USF3: variants seen among roughly 807,000 people sequenced by gnomAD.
USF3 encodes the protein basic helix-loop-helix domain-containing protein USF3.
USF3 carries 29 observed loss-of-function variants against 157.5 expected under a neutral mutation model. The ratio of observed to expected loss-of-function variants is 0.18; its 90% CI spans 0.14 to 0.25. The LOEUF (loss-of-function observed/expected upper bound fraction) is 0.25, where lower values mean the gene tolerates loss of function less well. USF3 is among the 10% of genes least tolerant of loss of function. The pLI is 1.00. For synonymous variants in USF3, 893 were observed against 941.4 expected (o/e 0.95, Z 0.94); for missense variants, 2,381 against 2,667.6 (o/e 0.89, Z 2.37).
intron 1 of USF3, among the ~76,000 whole-genome samples, chr3:113,695,189 T>A (rs1300730743): frequency 1.3e-5 from 2 of 152,250 alleles, no homozygotes; most frequent in African/African-American, 4.8e-5. Context: ...ATGGATACAT[T>A]ACACTACTTC....
At position 113,656,071 on chromosome 3, in the gene USF3, T is replaced by A; in HGVS notation, c.5611A>T (p.Ser1871Cys). The change falls in exon 7 of 7, where the codon AGT (serine) becomes TGT (cysteine). Residue 1871 changes from serine (S) to cysteine (C), a missense_variant. By Grantham distance (112) the Ser-to-Cys change is moderately radical. Coordinates refer to ENST00000316407, the MANE Select transcript of USF3 (RefSeq NM_001009899.4). ...THENVHIRRE[S>C]ESQNRESCDM... is the part of the protein sequence containing the mutation. ...CAACTTTCCCTATTCTGACTCTCAC[T>A]CTCTCTTCTAATATGGACATTTTCA... 1.9e-6 allele frequency: 3 copies of A among 1,614,212 alleles called. No individual in the cohort carries two copies. The highest frequency in any genetic ancestry group is 2.7e-5 in the African/African-American group (2 of 75,056).
intron 1 of USF3, among the ~76,000 whole-genome samples, chr3:113,684,177 A>ACT (rs1707497710): frequency 6.6e-6 from 1 of 151,774 alleles, no homozygotes; most frequent in Non-Finnish European, 1.5e-5. Flanking sequence ...ATGTCATCTG[A>ACT]CTCTCTCCTG....
chr3:113,661,857 A>AT (rs1383481692), intron 6 of USF3, among the ~76,000 whole-genome samples: 1 of 152,028 alleles, frequency 6.6e-6, no homozygotes, highest in Non-Finnish European at 1.5e-5. Context: ...TTTTTATTTT[A>AT]TTCTTTTGAG....
Position 113,652,108 on chromosome 3 carries a change from A to AGAGAGAGAGAGAGTGT in USF3, c.*2835_*2836insACACTCTCTCTCTCTC, listed in dbSNP as rs1266464109. The stretch of plus-strand genomic sequence containing the variant: ...TGGAGAGAGAGAGAGAGAGAGAGAG[A>AGAGAGAGAGAGAGTGT]GTGTGTGTGTGTGTGTGTGTGTGTG... On this transcript the variant is annotated 3_prime_UTR_variant, in exon 7 of 7. Transcript: ENST00000316407. 7.0e-6 allele frequency: 1 copy of AGAGAGAGAGAGAGTGT among 141,978 alleles called. No homozygotes were observed. Among genetic ancestry groups the AGAGAGAGAGAGAGTGT allele is most frequent in the African/African-American group, 2.6e-5 (1 of 38,276 alleles). The allele number at this position is 141,978 out of a possible 1,614,324, so 8.8% of individuals were successfully genotyped here.
rs1363086166 is a variant in USF3 at position 113,657,470 on chromosome 3, A to G, written c.4212T>C (p.Pro1404=). 1 of 1,614,202 alleles carries G rather than the reference A, an allele frequency of 6.2e-7. No individual in the cohort carries two copies. The highest frequency in any genetic ancestry group is 8.5e-7 in the Non-Finnish European group (1 of 1,180,032). ...HGDGLTRLFP[P]SNNFVTPALR... ...ATGCAGGAGTCACAAAGTTGTTACT[A>G]GGTGGAAATAATCGTGTAAGGCCAT... Residue 1404 remains proline (P), a synonymous_variant, in exon 7 of 7, where the codon CCT becomes CCC. Transcript: ENST00000316407.
At chr3:113,684,130 T>A (rs1336321034) in intron 1 of USF3, among the ~76,000 whole-genome samples, 4 of 152,228 alleles carry the variant, frequency 2.6e-5, no homozygotes, top group Non-Finnish European at 5.9e-5. Context: ...GATATAATAT[T>A]CTAGGATAAA....
In USF3 at chr3:113,670,215, A is replaced by G. The variant is rs1173031266; in HGVS notation, c.77-12T>C. 1 of 1,554,410 alleles carries G rather than the reference A, an allele frequency of 6.4e-7. No homozygotes were observed. The highest frequency in any genetic ancestry group is 1.4e-5 in the African/African-American group (1 of 73,960). ...TCTATGCCTCTCCACTAGATGGGAGAAAATTCGTTTATCAAACCTTACACT... is the reference window on the plus strand; with the variant it reads ...TCTATGCCTCTCCACTAGATGGGAGGAAATTCGTTTATCAAACCTTACACT... On this transcript the variant is annotated splice_polypyrimidine_tract_variant and intron_variant, in intron 4 of 6. Transcript: ENST00000316407.
At chr3:113,665,476 T>C (rs183350686) in intron 5 of USF3, among the ~76,000 whole-genome samples, 105 of 152,378 alleles carry the variant, frequency 6.9e-4, no homozygotes, top group African/African-American at 2.3e-3. Flanking sequence ...TTGTACGTTA[T>C]GTTAAAGTAT....
intron 5 of USF3, among the ~76,000 whole-genome samples, chr3:113,667,845 C>T (rs1947593493): frequency 6.6e-6 from 1 of 151,504 alleles, no homozygotes; most frequent in South Asian, 2.1e-4. Flanking sequence ...CCAGCCTAGG[C>T]AACAGAGTGA....
At chr3:113,691,338 CT>C (rs1207752392) in intron 1 of USF3, among the ~76,000 whole-genome samples, 1 of 152,166 alleles carries the variant, frequency 6.6e-6, no homozygotes, top group African/African-American at 2.4e-5. Context: ...TTACTACCCC[CT>C]CTTCCTCACT....
At chr3:113,661,908 G>A (rs184838224) in intron 6 of USF3, among the ~76,000 whole-genome samples, 1 of 152,146 alleles carries the variant, frequency 6.6e-6, no homozygotes, top group Non-Finnish European at 1.5e-5. Context: ...GTGCAGTGGT[G>A]CAATCTCGGC....
intron 5 of USF3, among the ~76,000 whole-genome samples, chr3:113,665,299 G>A (rs1947546438): frequency 1.3e-5 from 2 of 152,292 alleles, no homozygotes; most frequent in East Asian, 3.9e-4. Context: ...GAAGGCCAGA[G>A]AAGGCCTTCA....
chr3:113,651,857 T>C lies in USF3; in HGVS notation c.*3087A>G, dbSNP rs1947266138. 1 of 152,146 alleles carries C rather than the reference T, an allele frequency of 6.6e-6. No individual in the cohort carries two copies. Among genetic ancestry groups the C allele is most frequent in the Admixed American group, 6.5e-5 (1 of 15,272 alleles). The allele number at this position is 152,146 out of a possible 1,614,324, so 9.4% of individuals were successfully genotyped here. A position where few individuals can be genotyped will look rare whatever the true frequency, so the allele number is the denominator to read the frequency against. ...GTCAAATAAGGCTTATTGAGACTCT[T>C]TCAAGATCAAAATGTTAGACTGTTG... On this transcript the variant is annotated 3_prime_UTR_variant, in exon 7 of 7. Transcript: ENST00000316407.
rs1947323616 is a variant in USF3, at chr3:113,654,831, G to C, written c.*113C>G. On this transcript the variant is annotated 3_prime_UTR_variant, in exon 7 of 7. Coordinates refer to ENST00000316407, the MANE Select transcript of USF3 (RefSeq NM_001009899.4). Reference sequence around the variant, plus strand: ...TACATTCAGAAGATAACTGAAAACTGATTATACAGACACACACACACAATC... The same window carrying C: ...TACATTCAGAAGATAACTGAAAACTCATTATACAGACACACACACACAATC... The C allele has an allele frequency of 8.3e-7, 1 of 1,199,890 alleles. No homozygotes were observed. Among genetic ancestry groups the C allele is most frequent in the Non-Finnish European group, 1.1e-6 (1 of 874,976 alleles). 74.3% of individuals were successfully genotyped at this position (1,199,890 alleles called of 1,614,324 possible). A position where few individuals can be genotyped will look rare whatever the true frequency, so the allele number is the denominator to read the frequency against.
chr3:113,692,220 T>A (rs1440226171), intron 1 of USF3, among the ~76,000 whole-genome samples: 1 of 152,148 alleles, frequency 6.6e-6, no homozygotes, highest in Non-Finnish European at 1.5e-5. Flanking sequence ...TTAGACTAAA[T>A]ACCCTTCTTC....
rs1431339383 is a variant in USF3 at position 113,663,630 on chromosome 3, G to A, written c.256+683C>T. 2.0e-5 allele frequency among the ~76,000 whole-genome samples: 3 copies of A among 152,154 alleles called. 1 individual carries two copies. The highest frequency in any genetic ancestry group is 4.4e-5 in the Non-Finnish European group (3 of 68,034). On this transcript the variant is annotated intron_variant, in intron 6 of 6. Transcript: ENST00000316407. The stretch of plus-strand genomic sequence containing the variant: ...CTCTCTTTTTAAGGTGGCCTACTGA[G>A]TTGTCACAGAAAATTCTCTCCTTGC...
rs932773261 is a variant in USF3, at chr3:113,649,635, G to A, written c.*5309C>T. On this transcript the variant is annotated 3_prime_UTR_variant, in exon 7 of 7. Transcript: ENST00000316407. ...TACACAGCGTGTACCATCCCAGCTG[G>A]CCCTTTGCTATAACAGAGGAGTGGG... 1 of 510,984 alleles carries A rather than the reference G, an allele frequency of 2.0e-6. No homozygotes were observed. Among genetic ancestry groups the A allele is most frequent in the Non-Finnish European group, 3.4e-6 (1 of 291,318 alleles). The allele number at this position is 510,984 out of a possible 1,614,324, so 31.7% of individuals were successfully genotyped here. A position where few individuals can be genotyped will look rare whatever the true frequency, so the allele number is the denominator to read the frequency against.
chr3:113,667,044 C>T (rs575036895), intron 5 of USF3, among the ~76,000 whole-genome samples: 141 of 152,268 alleles, frequency 9.3e-4, no homozygotes, highest in African/African-American at 3.2e-3. Flanking sequence ...ATATTATTAG[C>T]TATCTCTGGT....
At position 113,660,214 on chromosome 3, in the gene USF3, G is replaced by C. The variant is rs762035249; in HGVS notation, c.1468C>G (p.Pro490Ala). The C allele has an allele frequency of 6.2e-7, 1 of 1,614,172 alleles. No individual in the cohort carries two copies. Among genetic ancestry groups the C allele is most frequent in the Non-Finnish European group, 8.5e-7 (1 of 1,180,034 alleles). ...AATGTTACAACTACTTGCTCAACTG[G>C]CTGCCCATCTGCTGGAAAGGAATTA... ...LNNSFPADGQPVEQVVVTLPS... is the reference protein window; with the variant it reads ...LNNSFPADGQAVEQVVVTLPS... Residue 490 changes from proline to alanine, a missense_variant, in exon 7 of 7, where the codon CCA becomes GCA. Pro to Ala is a conservative substitution (Grantham distance 27). This residue lies in a region of USF3 where 1,435 missense variants were observed against 1,550.9 expected (regional missense o/e 0.93). Transcript: ENST00000316407.
Sources: gnomAD v4.1 joint callset for allele counts (sites outside exome capture counted in the v4.1 genomes callset) on GRCh38, gnomAD v4.1.1 for gene constraint, gnomAD v4.1.1 regional missense constraint, MANE v1.5 for transcripts, NCBI Gene and HGNC (gene_info 2026-07-23, HGNC 2026-07-21) for gene names.